The following COP1 variants were observed in gnomAD, a reference collection of about 807,000 sequenced individuals.
COP1 encodes COP1 E3 ubiquitin ligase.
COP1 carries 24 observed loss-of-function variants against 101.3 expected under a neutral mutation model. The ratio of observed to expected loss-of-function variants is 0.24; its 90% CI spans 0.17 to 0.33. The LOEUF (loss-of-function observed/expected upper bound fraction) is 0.33, where lower values mean the gene tolerates loss of function less well. COP1 is among the 10% of genes least tolerant of loss of function. The probability of loss-of-function intolerance (pLI) is 1.00; values close to 1 mark genes in which losing one functional copy is unlikely to be tolerated. For synonymous variants in COP1, 347 were observed against 341.9 expected, an observed-to-expected ratio of 1.01 and a Z score of -0.17; for missense variants, 663 against 906.2, an observed-to-expected ratio of 0.73 and a Z score of 3.45.
At chr1:176,058,136 G>GGGT (rs1164928387) in intron 11 of COP1, among the ~76,000 whole-genome samples, 2 of 5,782 alleles carry the variant, frequency 3.5e-4, no homozygotes, top group Non-Finnish European at 2.2e-3. Flanking sequence ...GAGGTGGGGT[G>GGGT]GGGGGGGGGT....
chr1:176,126,313 G>A (rs1285425485), intron 8 of COP1, among the ~76,000 whole-genome samples: 1 of 152,080 alleles, frequency 6.6e-6, no homozygotes, highest in Non-Finnish European at 1.5e-5. Context: ...AAGAGGAAAG[G>A]TTTCACTTTT....
At chr1:176,149,473 G>A (rs1020492779) in intron 5 of COP1, among the ~76,000 whole-genome samples, 2 of 152,096 alleles carry the variant, frequency 1.3e-5, no homozygotes, top group Admixed American at 1.3e-4. Context: ...TTCATTTGCA[G>A]AGGTAAGTGT....
At chr1:176,176,096 T>C (rs113711725) in intron 2 of COP1, 89 bp from the exon 3 acceptor site, 1 of 668,458 alleles carries the variant, frequency 1.5e-6, no homozygotes. Context: ...AGTCTTCTAT[T>C]CCTCATTTTC....
intron 3 of COP1, among the ~76,000 whole-genome samples, chr1:176,171,780 C>A (rs1270031585): frequency 1.3e-5 from 2 of 152,012 alleles, no homozygotes; most frequent in African/African-American, 4.8e-5. Flanking sequence ...GTACTACAGG[C>A]AGATTAGTCA....
chr1:176,051,070 A>G (rs1484243202), intron 11 of COP1, among the ~76,000 whole-genome samples: 1 of 152,220 alleles, frequency 6.6e-6, no homozygotes, highest in East Asian at 1.9e-4. Context: ...AAAAAAAAGA[A>G]TAAGGTAGCC....
intron 11 of COP1, among the ~76,000 whole-genome samples, chr1:176,069,723 C>A (rs1676639966): frequency 6.6e-6 from 1 of 152,186 alleles, no homozygotes; most frequent in Non-Finnish European, 1.5e-5. Context: ...CCTCTGCATC[C>A]ACTCTCTTCT....
intron 2 of COP1, among the ~76,000 whole-genome samples, chr1:176,179,198 G>A (rs560652270): frequency 3.5e-4 from 53 of 151,366 alleles, no homozygotes; most frequent in African/African-American, 1.3e-3. Flanking sequence ...GCCGAGGCAG[G>A]AAAATTGCTT....
chr1:176,162,808 T>C (rs765066048), intron 5 of COP1, 61 bp downstream of exon 5: 1 of 1,446,760 alleles, frequency 6.9e-7, no homozygotes, highest in Non-Finnish European at 9.4e-7. Context: ...ACTTTCTACG[T>C]CTTTTTTATT....
intron 9 of COP1, among the ~76,000 whole-genome samples, chr1:176,099,459 T>C (rs1163435478): frequency 6.6e-6 from 1 of 152,006 alleles, no homozygotes; most frequent in Non-Finnish European, 1.5e-5. Flanking sequence ...CAGTCTTTAA[T>C]AAATGAGTAT....
intron 18 of COP1, among the ~76,000 whole-genome samples, chr1:175,986,472 T>C (rs539753875): frequency 2.6e-5 from 4 of 152,332 alleles, no homozygotes; most frequent in African/African-American, 4.8e-5. Context: ...ATGTATTTTG[T>C]AGACAGCAAT....
At chr1:176,032,205 G>A (rs1668753975) in intron 14 of COP1, among the ~76,000 whole-genome samples, 1 of 152,122 alleles carries the variant, frequency 6.6e-6, no homozygotes, top group African/African-American at 2.4e-5. Flanking sequence ...AAAACAGAAA[G>A]TTACCCATAT....
intron 15 of COP1, among the ~76,000 whole-genome samples, chr1:176,012,183 G>A (rs1206414499): frequency 6.6e-6 from 1 of 152,152 alleles, no homozygotes; most frequent in Non-Finnish European, 1.5e-5. Flanking sequence ...CCATAGGTTG[G>A]AGAACAGTGG....
rs150458063 is a variant in COP1, at chr1:175,984,574, G to A, written c.2133+2369C>T. Reference sequence around the variant, plus strand: ...GTCCCTACTGGGGCACCACCTATGGGGCTGTGAGAAGAGGGCCACCATCCG... The same window carrying A: ...GTCCCTACTGGGGCACCACCTATGGAGCTGTGAGAAGAGGGCCACCATCCG... On this transcript the variant is annotated intron_variant, in intron 18 of 19. Coordinates refer to ENST00000367669, the MANE Select transcript of COP1 (RefSeq NM_022457.7). 2.6e-3 allele frequency among the ~76,000 whole-genome samples: 399 copies of A among 152,274 alleles called. 3 individuals are homozygous for A. The highest frequency in any genetic ancestry group is 9.2e-3 in the African/African-American group (381 of 41,564).
At chr1:176,000,584 C>T (rs1375954239) in intron 15 of COP1, among the ~76,000 whole-genome samples, 1 of 151,874 alleles carries the variant, frequency 6.6e-6, no homozygotes, top group Non-Finnish European at 1.5e-5. Context: ...TGTGGTCTCT[C>T]ACTGATTGAA....
chr1:176,098,233 CA>C (rs2149488944), intron 9 of COP1, among the ~76,000 whole-genome samples: 1 of 152,162 alleles, frequency 6.6e-6, no homozygotes, highest in East Asian at 1.9e-4. Context: ...TTGGCTGCAC[CA>C]AGCAAATAAT....
chr1:176,081,739 G>A (rs1332819342), intron 10 of COP1, among the ~76,000 whole-genome samples: 1 of 151,972 alleles, frequency 6.6e-6, no homozygotes, highest in African/African-American at 2.4e-5. Flanking sequence ...AGATAAAATA[G>A]TTTATAAATA....
At position 175,992,512 on chromosome 1, in the gene COP1, C is replaced by T. The variant is rs185625412; in HGVS notation, c.1730-3033G>A. On this transcript the variant is annotated intron_variant, in intron 15 of 19. Coordinates refer to ENST00000367669, the MANE Select transcript of COP1 (RefSeq NM_022457.7). ...CCTAGTCAAAGAAAGGAGTGACAGA[C>T]GGCACCTGGAAAATTGGGTCACTCC... Among the ~76,000 whole-genome samples, 421 of 152,270 alleles carry T rather than the reference C, an allele frequency of 2.8e-3. 3 individuals carry two copies. Among genetic ancestry groups the T allele is most frequent in the African/African-American group, 9.2e-3 (384 of 41,570 alleles).
intron 11 of COP1, among the ~76,000 whole-genome samples, chr1:176,051,568 C>A (rs1259216187): frequency 6.6e-6 from 1 of 152,066 alleles, no homozygotes; most frequent in Non-Finnish European, 1.5e-5. Flanking sequence ...TAGTGTATAT[C>A]TTCTACTTAT....
At position 176,206,629 on chromosome 1, in the gene COP1, G is replaced by A. The variant is rs779964540; in HGVS notation, c.350C>T (p.Ala117Val). The A allele has an allele frequency of 2.9e-5, 46 of 1,612,030 alleles. No homozygotes were observed. The East Asian group carries it at 7.1e-4, about 25-fold the overall frequency. The part of the protein sequence containing the change: ...GSGSRKRPLL[A>V]PLCNGLINSY... ...GTTGATGAGCCCGTTGCAGAGGGGG[G>A]CGAGGAGAGGTCGCTTCCTGCTGCC... Residue 117 changes from alanine to valine, a missense_variant, in exon 1 of 20, where the codon GCC becomes GTC. By Grantham distance (64) the Ala-to-Val change is moderately conservative. This residue lies in a region of COP1 where 204 missense variants were observed against 203.6 expected (regional missense o/e 1.00). Coordinates refer to ENST00000367669, the MANE Select transcript of COP1 (RefSeq NM_022457.7).
Sources: gnomAD v4.1 joint callset for allele counts (sites outside exome capture counted in the v4.1 genomes callset) on GRCh38, gnomAD v4.1.1 for gene constraint, gnomAD v4.1.1 regional missense constraint, MANE v1.5 for transcripts, NCBI Gene and HGNC (gene_info 2026-07-23, HGNC 2026-07-21) for gene names.